Variants in LOC112694756 observed in about 807,000 individuals in gnomAD.
At chr16:30,065,778 C>G in the LOC112694756 span, 1 of 152,870 alleles carries the variant, frequency 6.5e-6, no homozygotes, top group Non-Finnish European at 1.5e-5. Flanking sequence ...CCTGCGCCGC[C>G]CCTTCCGAGG....
At chr16:30,070,106 T>C in the LOC112694756 span, 1 of 1,613,904 alleles carries the variant, frequency 6.2e-7, no homozygotes, top group African/African-American at 1.3e-5. Context: ...TCCACCCCTC[T>C]CCCTGCTTAG....
chr16:30,059,938 G>A, the LOC112694756 span, among the ~76,000 whole-genome samples: 2 of 151,818 alleles, frequency 1.3e-5, no homozygotes, highest in Admixed American at 6.6e-5. Flanking sequence ...ACCGATTCCC[G>A]ACAATGGCCT....
At chr16:30,067,402 G>GGT in the LOC112694756 span, 5 of 1,614,000 alleles carry the variant, frequency 3.1e-6, no homozygotes, top group Non-Finnish European at 4.2e-6. Flanking sequence ...GAGGGTGCAG[G>GGT]GTTGGGAGTG....
the LOC112694756 span, chr16:30,067,552 C>A: frequency 6.2e-7 from 1 of 1,613,796 alleles, no homozygotes; most frequent in African/African-American, 1.3e-5. Flanking sequence ...CGCGTGAACC[C>A]CTGCATTGGG....
the LOC112694756 span, chr16:30,066,762 T>TG: frequency 2.8e-6 from 3 of 1,089,358 alleles, no homozygotes; most frequent in South Asian, 5.0e-5. Context: ...GCTCCGGGGT[T>TG]GCTGTGTGGC....
At chr16:30,062,771 T>G in the LOC112694756 span, among the ~76,000 whole-genome samples, 1 of 144,620 alleles carries the variant, frequency 6.9e-6, no homozygotes. Flanking sequence ...AATCCAGAGG[T>G]GGAAGTTGCA....
At chr16:30,066,948 C>T in the LOC112694756 span, 1 of 1,551,244 alleles carries the variant, frequency 6.4e-7, no homozygotes, top group Non-Finnish European at 8.7e-7. Context: ...CCCACCTGTC[C>T]ATGGCTATGG....
chr16:30,068,062 ATTTTTT>A, the LOC112694756 span: 4 of 176,502 alleles, frequency 2.3e-5, no homozygotes, highest in South Asian at 7.3e-5. Context: ...TTTTAAGTAA[ATTTTTT>A]TTTTTTTTTT....
chr16:30,067,156 A>G, the LOC112694756 span: 1 of 1,601,026 alleles, frequency 6.2e-7, no homozygotes, highest in Non-Finnish European at 8.5e-7. Context: ...CCTGACCTCC[A>G]GGAGAGGGGC....
chr16:30,069,430 G>A, the LOC112694756 span: 91 of 1,613,720 alleles, frequency 5.6e-5, no homozygotes, highest in Non-Finnish European at 7.0e-5. Flanking sequence ...GTGGCTGGCC[G>A]GGGACCCTGG....
chr16:30,066,882 C>G, the LOC112694756 span: 2 of 1,547,334 alleles, frequency 1.3e-6, no homozygotes, highest in African/African-American at 2.7e-5. Flanking sequence ...GTTTTGTTTT[C>G]AGGCAAGGTG....
the LOC112694756 span, chr16:30,067,413 G>T: frequency 6.2e-7 from 1 of 1,613,828 alleles, no homozygotes; most frequent in Non-Finnish European, 8.5e-7. Context: ...GTTGGGAGTG[G>T]CAGGCTGATC....
At chr16:30,056,475 A>G in the LOC112694756 span, among the ~76,000 whole-genome samples, 1 of 152,276 alleles carries the variant, frequency 6.6e-6, no homozygotes, top group East Asian at 1.9e-4. Flanking sequence ...TCTATCCCAA[A>G]GTTGCTGTGT....
chr16:30,066,770 G>A, the LOC112694756 span: 8 of 1,209,160 alleles, frequency 6.6e-6, no homozygotes, highest in Non-Finnish European at 6.8e-6. Flanking sequence ...GTTGCTGTGT[G>A]GCTTGAAGCA....
At chr16:30,070,267 T>C in the LOC112694756 span, 8 of 1,571,806 alleles carry the variant, frequency 5.1e-6, no homozygotes, top group South Asian at 6.7e-5. Context: ...CCTCCCACTC[T>C]TGAAGAGGAG....
chr16:30,068,461 T>G, the LOC112694756 span: 1 of 697,148 alleles, frequency 1.4e-6, no homozygotes, highest in African/African-American at 1.8e-5. Context: ...AGACTGGGGC[T>G]AAAGAAGAGG....
the LOC112694756 span, chr16:30,070,067 G>T: frequency 1.2e-6 from 2 of 1,613,496 alleles, no homozygotes; most frequent in Non-Finnish European, 1.7e-6. Context: ...TGCCTGGGTG[G>T]ATGGGACTCG....
the LOC112694756 span, chr16:30,067,710 G>A: frequency 6.2e-7 from 1 of 1,607,098 alleles, no homozygotes; most frequent in South Asian, 1.1e-5. Flanking sequence ...AGTGGAGGAA[G>A]GAAATCCAGG....
At chr16:30,066,243 G>C in the LOC112694756 span, 1 of 152,376 alleles carries the variant, frequency 6.6e-6, no homozygotes, top group East Asian at 1.9e-4. Flanking sequence ...AGGCAGTGAG[G>C]GGTGGGGGCC....
Sources: allele counts gnomAD v4.1 joint callset (sites outside exome capture counted in the v4.1 genomes callset), GRCh38; gene constraint gnomAD v4.1.1; transcripts MANE v1.5.